Variants in RECK observed in about 807,000 individuals in gnomAD.
RECK encodes the protein reversion inducing cysteine rich protein with kazal motifs.
In RECK, 69 loss-of-function variants were observed where a neutral mutation model predicts 115.1. That is an observed-to-expected ratio of 0.60 (90% CI 0.49 to 0.73). The LOEUF is 0.73. Among genes scored for constraint, RECK ranks in the 30% least tolerant of loss-of-function variants. The pLI is 0.00. For synonymous variants in RECK, 414 were observed against 419.7 expected (o/e 0.99, Z 0.17); for missense variants, 1,047 against 1,203.7 (o/e 0.87, Z 1.93).
In RECK at chr9:36,112,325, G is replaced by C; in HGVS notation, c.1909G>C (p.Asp637His). The change falls in exon 16 of 21, where the codon GAT (aspartate) becomes CAT (histidine). Residue 637 changes from aspartate (D) to histidine (H), a missense_variant. Coordinates refer to ENST00000377966, the MANE Select transcript of RECK (RefSeq NM_021111.3). ...CTCAGGTCTGCCCTGTAACTGTGCA[G>C]ATCAGTTTGTCCCTGTATGTGGGCA... ...TFTGLPCNCA[D>H]QFVPVCGQNG... The C allele has an allele frequency of 6.2e-7, 1 of 1,613,334 alleles. No individual in the cohort carries two copies. The highest frequency in any genetic ancestry group is 8.5e-7 in the Non-Finnish European group (1 of 1,179,946).
At chr9:36,111,996 G>A (rs943806799) in intron 15 of RECK, among the ~76,000 whole-genome samples, 1 of 151,028 alleles carries the variant, frequency 6.6e-6, no homozygotes, top group Admixed American at 6.6e-5. Flanking sequence ...GGTGGCATGC[G>A]CCTGTAGTCC....
chr9:36,054,931 A>C (rs978028917), intron 2 of RECK, among the ~76,000 whole-genome samples: 1 of 152,180 alleles, frequency 6.6e-6, no homozygotes, highest in East Asian at 1.9e-4. Context: ...AAAAGTTAGT[A>C]AGTGCAGGAA....
At chr9:36,056,161 A>G (rs1410830899) in intron 2 of RECK, among the ~76,000 whole-genome samples, 3 of 152,114 alleles carry the variant, frequency 2.0e-5, no homozygotes, top group Admixed American at 2.0e-4. Context: ...ATACTGAGGC[A>G]AATTTATGTA....
intron 2 of RECK, among the ~76,000 whole-genome samples, chr9:36,052,593 G>A (rs1487652720): frequency 1.3e-5 from 2 of 152,180 alleles, no homozygotes; most frequent in Non-Finnish European, 2.9e-5. Flanking sequence ...CACCAATAAT[G>A]GGGCAAAGTG....
intron 2 of RECK, among the ~76,000 whole-genome samples, chr9:36,055,861 ATGAG>A (rs1181600570): frequency 6.6e-6 from 1 of 152,148 alleles, no homozygotes; most frequent in African/African-American, 2.4e-5. Flanking sequence ...GGAAGAAGAA[ATGAG>A]TGAGAGAGCA....
At chr9:36,120,805 G>T (rs1299993770) in intron 19 of RECK, 69 bp downstream of exon 19, 7 of 1,061,714 alleles carry the variant, frequency 6.6e-6, no homozygotes, top group Non-Finnish European at 1.0e-5. Context: ...CTAGAGAGTA[G>T]AATGTGTTGT....
At chr9:36,112,578 G>C (rs1824099721) in intron 16 of RECK, 102 bp downstream of exon 16, 1 of 1,240,144 alleles carries the variant, frequency 8.1e-7, no homozygotes, top group South Asian at 1.4e-5. Flanking sequence ...TTAAGAAATC[G>C]CTGCTGCCCT....
chr9:36,052,445 C>A, intron 2 of RECK, 122 bp downstream of exon 2: 1 of 620,258 alleles, frequency 1.6e-6, no homozygotes, highest in Non-Finnish European at 2.9e-6. Context: ...CCAGCCAGGA[C>A]AACATAGCAA....
chr9:36,056,032 A>G (rs1821507653), intron 2 of RECK, among the ~76,000 whole-genome samples: 1 of 151,954 alleles, frequency 6.6e-6, no homozygotes, highest in African/African-American at 2.4e-5. Flanking sequence ...TTATAATAGA[A>G]AATTTTAAGT....
At chr9:36,086,556 T>A (rs1377181352) in intron 8 of RECK, among the ~76,000 whole-genome samples, 4 of 152,194 alleles carry the variant, frequency 2.6e-5, no homozygotes, top group Admixed American at 2.0e-4. Context: ...TTCCACAGCA[T>A]GGAAAGGGAC....
intron 12 of RECK, among the ~76,000 whole-genome samples, chr9:36,104,323 TATA>T (rs1418777542): frequency 9.5e-5 from 6 of 62,974 alleles, no homozygotes; most frequent in South Asian, 5.8e-4. Flanking sequence ...TATATATATA[TATA>T]TTTTTTTTTT....
At chr9:36,044,909 AT>A (rs1821013016) in intron 1 of RECK, among the ~76,000 whole-genome samples, 1 of 152,202 alleles carries the variant, frequency 6.6e-6, no homozygotes, top group Non-Finnish European at 1.5e-5. Context: ...GCAGGAAGCC[AT>A]TGTAGGACCT....
In RECK at chr9:36,120,733, T is replaced by A. The variant is rs1213237181; in HGVS notation, c.2535T>A (p.Ala845=). The change falls in exon 19 of 21, where the codon GCT becomes GCA. Residue 845 remains alanine (A), a synonymous_variant. Coordinates refer to ENST00000377966, the MANE Select transcript of RECK (RefSeq NM_021111.3). ...LFDKEKLDTI[A]KVTNKKPITV... is the part of the protein sequence containing the mutation. ...ACAAAGAAAAACTGGATACTATTGCTAAGGTAAATTGCTTTATATTCAGAT... is the reference window on the plus strand; with the variant it reads ...ACAAAGAAAAACTGGATACTATTGCAAAGGTAAATTGCTTTATATTCAGAT... 6.3e-7 allele frequency: 1 copy of A among 1,593,520 alleles called. No individual in the cohort carries two copies. Among genetic ancestry groups the A allele is most frequent in the South Asian group, 1.1e-5 (1 of 90,588 alleles).
chr9:36,061,281 C>T (rs1821750852), intron 4 of RECK, among the ~76,000 whole-genome samples: 2 of 151,702 alleles, frequency 1.3e-5, no homozygotes, highest in East Asian at 1.9e-4. Flanking sequence ...TAGAGGCTAT[C>T]GCACTGTTTA....
At chr9:36,078,955 G>T (rs1477587897) in intron 6 of RECK, among the ~76,000 whole-genome samples, 2 of 152,074 alleles carry the variant, frequency 1.3e-5, no homozygotes, top group African/African-American at 2.4e-5. Context: ...GAGTGTAGTG[G>T]CATGATCTCG....
intron 17 of RECK, 68 bp downstream of exon 17, chr9:36,117,245 G>T: frequency 7.7e-7 from 1 of 1,292,906 alleles, no homozygotes; most frequent in South Asian, 1.5e-5. Flanking sequence ...TTTTACAGAT[G>T]AATCAACAGT....
intron 12 of RECK, among the ~76,000 whole-genome samples, chr9:36,103,996 A>C (rs2132654801): frequency 6.6e-6 from 1 of 152,162 alleles, no homozygotes; most frequent in African/African-American, 2.4e-5. Context: ...ATGGGAGGAA[A>C]ATTAAATATC....
At chr9:36,073,616 A>C (rs561078119) in intron 6 of RECK, among the ~76,000 whole-genome samples, 1 of 152,104 alleles carries the variant, frequency 6.6e-6, no homozygotes, top group African/African-American at 2.4e-5. Flanking sequence ...TTAAAGACCA[A>C]ATTTGATCCA....
intron 1 of RECK, among the ~76,000 whole-genome samples, chr9:36,039,034 G>A (rs1588255930): frequency 1.3e-5 from 2 of 152,134 alleles, no homozygotes; most frequent in Admixed American, 1.3e-4. Flanking sequence ...AAAGAAACTT[G>A]TTTGCTCATA....
Sources: gnomAD v4.1 joint callset for allele counts (sites outside exome capture counted in the v4.1 genomes callset) on GRCh38, gnomAD v4.1.1 for gene constraint, MANE v1.5 for transcripts, NCBI Gene and HGNC (gene_info 2026-07-23, HGNC 2026-07-21) for gene names.